CDK15: variants seen among roughly 807,000 people sequenced by gnomAD.
CDK15 encodes cyclin dependent kinase 15.
Under a neutral mutation model 60.3 loss-of-function variants are expected in CDK15, and 62 were observed. The ratio of observed to expected loss-of-function variants is 1.03; its 90% CI spans 0.84 to 1.27. The LOEUF is 1.27. CDK15 is among the 50% of genes most tolerant of loss of function. CDK15 has a pLI of 0.00. For missense variants in CDK15, 541 were observed against 527.8 expected (o/e 1.03, Z -0.25); for synonymous variants, 194 against 195.7 (o/e 0.99, Z 0.07).
intron 4 of CDK15, among the ~76,000 whole-genome samples, chr2:201,817,728 G>A (rs1696055019): frequency 6.6e-6 from 1 of 152,148 alleles, no homozygotes; most frequent in Admixed American, 6.6e-5. Context: ...GGGTAGGCCT[G>A]GTTGACAGAA....
At chr2:201,859,350 A>G (rs1470979154) in intron 10 of CDK15, among the ~76,000 whole-genome samples, 4 of 152,070 alleles carry the variant, frequency 2.6e-5, no homozygotes, top group African/African-American at 9.7e-5. Flanking sequence ...CTCTAGAGAC[A>G]TTTTTACAAA....
intron 6 of CDK15, among the ~76,000 whole-genome samples, chr2:201,833,229 A>C (rs1696837959): frequency 6.8e-6 from 1 of 146,338 alleles, no homozygotes; most frequent in African/African-American, 2.5e-5. Context: ...GGTCTAACTT[A>C]TTTTGGTCTC....
intron 4 of CDK15, among the ~76,000 whole-genome samples, chr2:201,822,441 G>C (rs1696269973): frequency 6.6e-6 from 1 of 152,176 alleles, no homozygotes; most frequent in South Asian, 2.1e-4. Context: ...TCCATTTCCT[G>C]CTCCTCCAAA....
intron 3 of CDK15, among the ~76,000 whole-genome samples, chr2:201,808,988 G>A (rs1277479985): frequency 4.6e-5 from 7 of 151,850 alleles, no homozygotes; most frequent in African/African-American, 1.5e-4. Context: ...GCAGTGGTGC[G>A]ATCTCAGATG....
chr2:201,845,589 T>TAAA (rs35345906), intron 8 of CDK15, among the ~76,000 whole-genome samples: 5 of 101,456 alleles, frequency 4.9e-5, no homozygotes, highest in Admixed American at 2.2e-4. Flanking sequence ...CCATCTGTAT[T>TAAA]AAAAAAAAAA....
chr2:201,862,777 C>T (rs548478214), intron 10 of CDK15, among the ~76,000 whole-genome samples: 2 of 152,210 alleles, frequency 1.3e-5, no homozygotes, highest in Admixed American at 6.5e-5. Context: ...CCAAGTGGGT[C>T]GTAGCCGTAT....
At chr2:201,858,106 C>A (rs1647326861) in intron 10 of CDK15, among the ~76,000 whole-genome samples, 1 of 152,152 alleles carries the variant, frequency 6.6e-6, no homozygotes, top group African/African-American at 2.4e-5. Flanking sequence ...CCCATGCCTC[C>A]ATTTCTAGGC....
chr2:201,892,054 G>A (rs1018867916), intron 13 of CDK15, among the ~76,000 whole-genome samples: 3 of 152,160 alleles, frequency 2.0e-5, no homozygotes, highest in African/African-American at 7.2e-5. Context: ...AAAGATATCG[G>A]CTTCCTGGCT....
rs1695570004 is a variant in CDK15 at position 201,807,578 on chromosome 2, A to G, written c.208A>G (p.Ser70Gly). ...AGCTGCCCGTGCCCAGAAGTTCAAGAGTAAAAGGCCACGGAGTAACAGTGA... is the reference window on the plus strand; with the variant it reads ...AGCTGCCCGTGCCCAGAAGTTCAAGGGTAAAAGGCCACGGAGTAACAGTGA... ...LQAARAQKFK[S>G]KRPRSNSDCF... is the part of the protein sequence containing the mutation. Residue 70 changes from serine to glycine, a missense_variant, in exon 2 of 14, where the codon AGT becomes GGT. Transcript: ENST00000652192. 6.2e-7 allele frequency: 1 copy of G among 1,614,060 alleles called. No individual in the cohort carries two copies. The highest frequency in any genetic ancestry group is 1.1e-5 in the South Asian group (1 of 91,086).
At chr2:201,826,889 A>G (rs1696532436) in intron 6 of CDK15, among the ~76,000 whole-genome samples, 1 of 152,226 alleles carries the variant, frequency 6.6e-6, no homozygotes, top group Admixed American at 6.5e-5. Flanking sequence ...CAGTCAAAAA[A>G]TCTTTAAAGC....
intron 6 of CDK15, among the ~76,000 whole-genome samples, chr2:201,829,159 G>C (rs1696641577): frequency 6.6e-6 from 1 of 152,176 alleles, no homozygotes; most frequent in Non-Finnish European, 1.5e-5. Flanking sequence ...ATGACAGTGT[G>C]GTGAATAGAT....
At chr2:201,881,681 G>T (rs907202109) in intron 12 of CDK15, among the ~76,000 whole-genome samples, 2 of 152,072 alleles carry the variant, frequency 1.3e-5, no homozygotes, top group Non-Finnish European at 2.9e-5. Flanking sequence ...GAGGCATATG[G>T]GTGGAACAAA....
In CDK15 at chr2:201,894,860, A is replaced by G. The variant is rs1235347034; in HGVS notation, c.*1593A>G. 5.9e-5 allele frequency: 9 copies of G among 152,222 alleles called. No individual in the cohort carries two copies. In the East Asian group the frequency reaches 1.3e-3, roughly 23 times the overall value. 9.4% of individuals were successfully genotyped at this position (152,222 alleles called of 1,614,324 possible). A position where few individuals can be genotyped will look rare whatever the true frequency, so the allele number is the denominator to read the frequency against. On this transcript the variant is annotated 3_prime_UTR_variant, in exon 14 of 14. Coordinates refer to ENST00000652192, the MANE Select transcript of CDK15 (RefSeq NM_001366386.2). Reference sequence around the variant, plus strand: ...TCAAAAGACACCTTGCTAGAAGCCAATGAACAGCAGGCCAAAACAACACTT... The same window carrying G: ...TCAAAAGACACCTTGCTAGAAGCCAGTGAACAGCAGGCCAAAACAACACTT...
intron 3 of CDK15, among the ~76,000 whole-genome samples, chr2:201,811,153 AC>A (rs1335947187): frequency 6.4e-5 from 2 of 31,422 alleles, no homozygotes; most frequent in Non-Finnish European, 8.1e-5. Flanking sequence ...GAGGGTATGC[AC>A]TTTTTTTTTT....
At chr2:201,868,969 G>A (rs1017104949) in intron 10 of CDK15, among the ~76,000 whole-genome samples, 46 of 152,314 alleles carry the variant, frequency 3.0e-4, no homozygotes, top group Middle Eastern at 6.8e-3. Flanking sequence ...AAGACAGTGT[G>A]GCGATTCCTC....
chr2:201,828,462 T>A (rs189867114), intron 6 of CDK15, among the ~76,000 whole-genome samples: 61 of 152,106 alleles, frequency 4.0e-4, no homozygotes, highest in African/African-American at 1.3e-3. Flanking sequence ...CACACTGTCA[T>A]GGAAGTCAAG....
intron 10 of CDK15, among the ~76,000 whole-genome samples, chr2:201,856,466 C>T (rs1698148529): frequency 6.6e-6 from 1 of 152,136 alleles, no homozygotes; most frequent in African/African-American, 2.4e-5. Flanking sequence ...TAGAGTTTAA[C>T]ACGTGAGAAA....
intron 8 of CDK15, among the ~76,000 whole-genome samples, chr2:201,845,054 C>G (rs1214401487): frequency 2.0e-5 from 3 of 151,974 alleles, no homozygotes; most frequent in Non-Finnish European, 4.4e-5. Flanking sequence ...GAGGCTGAGG[C>G]AGGAGAATCA....
At chr2:201,823,845 AT>A (rs1489186475) in intron 6 of CDK15, 118 bp downstream of exon 6, 1 of 773,582 alleles carries the variant, frequency 1.3e-6, no homozygotes, top group Non-Finnish European at 2.0e-6. Flanking sequence ...GACATCACTG[AT>A]ATTCCAGAAA....
Sources: gnomAD v4.1 joint callset for allele counts (sites outside exome capture counted in the v4.1 genomes callset) on GRCh38, gnomAD v4.1.1 for gene constraint, MANE v1.5 for transcripts, NCBI Gene and HGNC (gene_info 2026-07-23, HGNC 2026-07-21) for gene names.